The following FGF14 variants were observed in gnomAD, a reference collection of about 807,000 sequenced individuals.
FGF14 encodes fibroblast growth factor 14, also known as fibroblast growth factor homologous factor 4.
A neutral mutation model predicts 25.5 loss-of-function variants in FGF14; 5 were observed. The observed-to-expected ratio is 0.20, with a 90% CI of 0.10 to 0.41. The LOEUF (loss-of-function observed/expected upper bound fraction) is 0.41, where lower values mean the gene tolerates loss of function less well. Among genes scored for constraint, FGF14 ranks in the 10% least tolerant of loss-of-function variants. The pLI, the probability that FGF14 is intolerant of heterozygous loss-of-function variation, is 1.00. For synonymous variants in FGF14, 138 were observed against 118.3 expected (o/e 1.17, Z -1.08); for missense variants, 222 against 320.1 (o/e 0.69, Z 2.34).
chr13:102,197,454 ACTCT>A (rs750529545), intron 1 of FGF14, among the ~76,000 whole-genome samples: 2 of 151,384 alleles, frequency 1.3e-5, no homozygotes, highest in Non-Finnish European at 2.9e-5. Flanking sequence ...AACTTTCCTG[ACTCT>A]CTCAGTTTCT....
intron 1 of FGF14, among the ~76,000 whole-genome samples, chr13:102,300,438 A>C (rs1203492774): frequency 6.6e-6 from 1 of 152,198 alleles, no homozygotes; most frequent in Non-Finnish European, 1.5e-5. Context: ...TCAACAGCTG[A>C]AAAGTGTCTT....
intron 1 of FGF14, among the ~76,000 whole-genome samples, chr13:102,043,486 G>A (rs2041839038): frequency 6.6e-6 from 1 of 152,136 alleles, no homozygotes; most frequent in Non-Finnish European, 1.5e-5. Context: ...TTCTTTTTTA[G>A]AAGGGCAAGT....
chr13:102,281,381 C>T (rs1442172255), intron 1 of FGF14, among the ~76,000 whole-genome samples: 1 of 152,098 alleles, frequency 6.6e-6, no homozygotes, highest in East Asian at 1.9e-4. Context: ...TTCATCAGCC[C>T]AGCAAAGAGA....
chr13:102,274,132 G>T (rs2053390106), intron 1 of FGF14, among the ~76,000 whole-genome samples: 1 of 152,130 alleles, frequency 6.6e-6, no homozygotes, highest in African/African-American at 2.4e-5. Flanking sequence ...GTTCTATCGT[G>T]GATCTGCCAT....
chr13:101,977,433 T>C (rs1414404762), intron 1 of FGF14, among the ~76,000 whole-genome samples: 1 of 152,188 alleles, frequency 6.6e-6, no homozygotes, highest in Non-Finnish European at 1.5e-5. Context: ...GTTTAAAGGC[T>C]CAAGGCTGGA....
intron 3 of FGF14, among the ~76,000 whole-genome samples, chr13:101,800,045 C>A (rs759735655): frequency 6.6e-6 from 1 of 152,106 alleles, no homozygotes; most frequent in Non-Finnish European, 1.5e-5. Flanking sequence ...TCCACAGACA[C>A]GTCTCCATAG....
intron 1 of FGF14, among the ~76,000 whole-genome samples, chr13:101,990,947 T>C (rs1007490718): frequency 5.9e-5 from 9 of 152,074 alleles, no homozygotes; most frequent in Non-Finnish European, 5.9e-5. Flanking sequence ...TCTAGCACAA[T>C]TGAATCTAAA....
At chr13:102,330,734 G>A (rs562878436) in intron 1 of FGF14, among the ~76,000 whole-genome samples, 333 of 152,146 alleles carry the variant, frequency 2.2e-3, no homozygotes, top group African/African-American at 7.4e-3. Context: ...CCACACCCCT[G>A]ATCATCACTC....
At chr13:101,849,374 TTAC>T (rs2043629429) in intron 3 of FGF14, among the ~76,000 whole-genome samples, 1 of 152,064 alleles carries the variant, frequency 6.6e-6, no homozygotes. Flanking sequence ...CATTTTTGTT[TTAC>T]TACATTAACT....
At chr13:101,888,801 A>G (rs1594617627) in intron 1 of FGF14, among the ~76,000 whole-genome samples, 1 of 152,072 alleles carries the variant, frequency 6.6e-6, no homozygotes, top group Non-Finnish European at 1.5e-5. Context: ...CTTCAAAGAT[A>G]TAGTTCTTCT....
chr13:102,031,807 T>C (rs1436423383), intron 1 of FGF14, among the ~76,000 whole-genome samples: 1 of 152,080 alleles, frequency 6.6e-6, no homozygotes, highest in African/African-American at 2.4e-5. Flanking sequence ...ATGACAGGAA[T>C]CTATAGTCAA....
intron 1 of FGF14, among the ~76,000 whole-genome samples, chr13:101,968,489 T>C (rs941011606): frequency 2.0e-5 from 3 of 151,738 alleles, no homozygotes; most frequent in Non-Finnish European, 4.4e-5. Flanking sequence ...CTGACTAACA[T>C]GGTGAAACCC....
chr13:101,899,022 C>T (rs910591137), intron 1 of FGF14, among the ~76,000 whole-genome samples: 68 of 152,188 alleles, frequency 4.5e-4, no homozygotes, highest in African/African-American at 1.5e-3. Context: ...GAGTTCAAGG[C>T]TTGCCAATAA....
intron 1 of FGF14, among the ~76,000 whole-genome samples, chr13:102,308,735 C>A (rs144286062): frequency 1.2e-4 from 18 of 152,094 alleles, no homozygotes; most frequent in Middle Eastern, 3.4e-3. Context: ...CTGAGTTCTG[C>A]GATTCTGCTC....
chr13:102,040,133 G>T (rs1238504448), intron 1 of FGF14, among the ~76,000 whole-genome samples: 1 of 151,974 alleles, frequency 6.6e-6, no homozygotes, highest in Non-Finnish European at 1.5e-5. Flanking sequence ...CTTTCAAATT[G>T]TGATCTCTGT....
chr13:102,047,259 C>T (rs905847013), intron 1 of FGF14, among the ~76,000 whole-genome samples: 36 of 152,230 alleles, frequency 2.4e-4, no homozygotes, highest in African/African-American at 8.4e-4. Context: ...TTATCCCCTT[C>T]CTACCATCCC....
chr13:101,977,619 C>T (rs55683911), intron 1 of FGF14, among the ~76,000 whole-genome samples: 2,913 of 152,182 alleles, frequency 0.019, 76 homozygotes, highest in African/African-American at 0.064. Context: ...CTGAGCTGGA[C>T]AAGAGAGCAG....
chr13:102,106,573 C>G (rs994517922), intron 1 of FGF14, among the ~76,000 whole-genome samples: 1 of 90,702 alleles, frequency 1.1e-5, no homozygotes, highest in South Asian at 4.9e-4. Flanking sequence ...GAAACTCTGT[C>G]GAAAAAGAGG....
chr13:102,060,850 C>T (rs2042654501), intron 1 of FGF14, among the ~76,000 whole-genome samples: 1 of 152,112 alleles, frequency 6.6e-6, no homozygotes, highest in Non-Finnish European at 1.5e-5. Flanking sequence ...TCTGGCCCAT[C>T]ACGCTCCCAT....
Sources: gnomAD v4.1 joint callset for allele counts (sites outside exome capture counted in the v4.1 genomes callset) on GRCh38, gnomAD v4.1.1 for gene constraint, MANE v1.5 for transcripts, NCBI Gene and HGNC (gene_info 2026-07-23, HGNC 2026-07-21) for gene names.